The following CFI variants were observed in gnomAD, a reference collection of about 807,000 sequenced individuals.
The protein encoded by CFI is C3B/C4B inactivator.
Under a neutral mutation model 78.8 loss-of-function variants are expected in CFI, and 66 were observed. That is an observed-to-expected ratio of 0.84 (90% confidence interval 0.69 to 1.03). The LOEUF is 1.03. Among genes scored for constraint, CFI ranks in the 50% least tolerant of loss-of-function variants. The pLI is 0.00. For missense variants in CFI, 706 were observed against 704.5 expected, an observed-to-expected ratio of 1.00 and a Z score of -0.02; for synonymous variants, 250 against 232.6, an observed-to-expected ratio of 1.07 and a Z score of -0.68.
chr4:109,801,525 C>A (rs947375579), intron 1 of CFI, among the ~76,000 whole-genome samples: 1 of 152,090 alleles, frequency 6.6e-6, no homozygotes, highest in African/African-American at 2.4e-5. Context: ...CTTATTATTT[C>A]CCCTTTCTAT....
At chr4:109,756,896 A>AGAAG (rs1726262905) in intron 7 of CFI, among the ~76,000 whole-genome samples, 1 of 26,080 alleles carries the variant, frequency 3.8e-5, no homozygotes, top group Non-Finnish European at 9.1e-5. Context: ...AAGGAAAGAA[A>AGAAG]GAAAGAAAGA....
chr4:109,779,885 A>T (rs1000620050), intron 1 of CFI, among the ~76,000 whole-genome samples: 2 of 152,190 alleles, frequency 1.3e-5, no homozygotes, highest in Non-Finnish European at 2.9e-5. Flanking sequence ...TGGGGAAAGG[A>T]TTCCCTATTT....
At chr4:109,791,401 C>T (rs1296235712) in intron 1 of CFI, among the ~76,000 whole-genome samples, 1 of 151,890 alleles carries the variant, frequency 6.6e-6, no homozygotes, top group African/African-American at 2.4e-5. Context: ...TGTCTGTTCA[C>T]TCTGCTGATA....
chr4:109,755,415 T>C (rs1451325391), intron 7 of CFI, among the ~76,000 whole-genome samples: 1 of 152,130 alleles, frequency 6.6e-6, no homozygotes, highest in East Asian at 1.9e-4. Flanking sequence ...ATGGTTTGAG[T>C]GTGTTCCCCA....
intron 10 of CFI, 94 bp downstream of exon 10, chr4:109,749,124 A>T (rs1724821581): frequency 8.1e-6 from 9 of 1,114,666 alleles, no homozygotes; most frequent in Non-Finnish European, 1.2e-5. Context: ...GTTTGTCAGT[A>T]CCTTTTTCAG....
intron 3 of CFI, among the ~76,000 whole-genome samples, chr4:109,763,714 G>A (rs150502554): frequency 7.9e-5 from 12 of 151,856 alleles, no homozygotes; most frequent in African/African-American, 1.2e-4. Flanking sequence ...AACCCTGCAC[G>A]TGGAGCATTT....
intron 10 of CFI, among the ~76,000 whole-genome samples, chr4:109,747,552 G>C (rs1177214700): frequency 6.6e-6 from 1 of 152,044 alleles, no homozygotes; most frequent in Non-Finnish European, 1.5e-5. Context: ...AAGTATTATA[G>C]CTTAGTTTTT....
At position 109,749,333 on chromosome 4, in the gene CFI, A is replaced by C. The variant is rs771422798; in HGVS notation, c.1045-12T>G. 148 of 1,608,728 alleles carry C rather than the reference A, an allele frequency of 9.2e-5. 1 individual carries two copies. The highest frequency in any genetic ancestry group is 1.2e-4 in the Non-Finnish European group (141 of 1,175,212). On this transcript the variant is annotated splice_polypyrimidine_tract_variant and intron_variant, in intron 9 of 12. Coordinates refer to ENST00000394634, the MANE Select transcript of CFI (RefSeq NM_000204.5). Reference sequence around the variant, plus strand: ...CATGGGAGGTCTCCCTGTAAAAGACATTTGTGTGGTCACTGCCATTCTAAC... The same window carrying C: ...CATGGGAGGTCTCCCTGTAAAAGACCTTTGTGTGGTCACTGCCATTCTAAC...
Position 109,761,539 on chromosome 4 carries a change from C to T in CFI, c.636G>A (p.Val212=). Residue 212 remains valine, a synonymous_variant, in exon 4 of 13, where the codon GTG becomes GTA. Transcript: ENST00000394634. ...AACCTGCTTTCTGTGTATAACAAAC[C>T]ACATCAGCGAAATCCTGGTAACCCA... ...RTMGYQDFAD[V]VCYTQKADSP... 2 of 1,614,106 alleles carry T rather than the reference C, an allele frequency of 1.2e-6. No homozygotes were observed. Among genetic ancestry groups the T allele is most frequent in the Non-Finnish European group, 8.5e-7 (1 of 1,180,010 alleles).
intron 1 of CFI, chr4:109,793,383 A>G (rs990502777): frequency 1.3e-5 from 2 of 152,282 alleles, no homozygotes; most frequent in Admixed American, 1.3e-4. Flanking sequence ...ATACAAAACC[A>G]AAATAATATA....
At chr4:109,781,607 T>G (rs1484352896) in intron 1 of CFI, among the ~76,000 whole-genome samples, 2 of 152,156 alleles carry the variant, frequency 1.3e-5, no homozygotes, top group Admixed American at 1.3e-4. Flanking sequence ...CCTATCCTTT[T>G]GACACTATTC....
downstream of CFI, among the ~76,000 whole-genome samples, chr4:109,738,115 T>A (rs1368133826): frequency 1.8e-4 from 1 of 5,622 alleles, no homozygotes; most frequent in Non-Finnish European, 4.2e-3. Context: ...TACTTTTCTT[T>A]TTTTTTTTTT....
At chr4:109,798,881 A>AGGAG (rs60027899) in intron 1 of CFI, among the ~76,000 whole-genome samples, 1 of 137,026 alleles carries the variant, frequency 7.3e-6, no homozygotes, top group African/African-American at 3.1e-5. Context: ...TCAATGCAAG[A>AGGAG]GGAGGGAGAG....
intron 1 of CFI, among the ~76,000 whole-genome samples, chr4:109,777,229 T>C (rs540164951): frequency 6.6e-6 from 1 of 152,236 alleles, no homozygotes; most frequent in East Asian, 1.9e-4. Flanking sequence ...GGGAAACGCA[T>C]CTATGTGTGC....
Position 109,789,167 on chromosome 4 carries a change from A to G in CFI, c.57+12748T>C, listed in dbSNP as rs895937623. ...AAACTACAATAAAATTTTAAAAAAT[A>G]AAAAAATTAAAGAATAGAGTATAAA... On this transcript the variant is annotated intron_variant, in intron 1 of 12. Coordinates refer to ENST00000394634, the MANE Select transcript of CFI (RefSeq NM_000204.5). Among the ~76,000 whole-genome samples the G allele has an allele frequency of 1.1e-4, 17 of 152,000 alleles. 1 individual carries two copies.
intron 1 of CFI, among the ~76,000 whole-genome samples, chr4:109,779,403 A>G (rs1729700183): frequency 6.6e-6 from 1 of 152,170 alleles, no homozygotes. Context: ...AGAGAATAAA[A>G]TACCTAGGAA....
chr4:109,790,190 T>C (rs1731208892), intron 1 of CFI, among the ~76,000 whole-genome samples: 7 of 152,002 alleles, frequency 4.6e-5, no homozygotes, highest in Admixed American at 4.6e-4. Context: ...GGTATTTGTA[T>C]CTTCTCTCTT....
chr4:109,753,979 TA>T (rs999261125), intron 7 of CFI, among the ~76,000 whole-genome samples: 9 of 146,152 alleles, frequency 6.2e-5, no homozygotes, highest in Non-Finnish European at 1.3e-4. Context: ...ATATGTATTT[TA>T]AAATATATAT....
intron 1 of CFI, among the ~76,000 whole-genome samples, chr4:109,788,320 G>A (rs943106771): frequency 2.0e-5 from 3 of 152,016 alleles, no homozygotes; most frequent in Admixed American, 6.6e-5. Context: ...TACAGAGGTT[G>A]TTTTAAATTG....
Sources: allele counts gnomAD v4.1 joint callset (sites outside exome capture counted in the v4.1 genomes callset), GRCh38; gene constraint gnomAD v4.1.1; transcripts MANE v1.5; gene names NCBI Gene and HGNC (gene_info 2026-07-23, HGNC 2026-07-21).